The following LIN28B variants were observed in gnomAD, a reference collection of about 807,000 sequenced individuals.
LIN28B encodes protein lin-28 homolog B.
LIN28B carries 5 observed loss-of-function variants against 21.9 expected under a neutral mutation model. The ratio of observed to expected loss-of-function variants is 0.23; its 90% CI spans 0.12 to 0.48. The LOEUF (loss-of-function observed/expected upper bound fraction) is 0.48. Ranked by LOEUF, LIN28B falls within the 20% of genes least tolerant of loss-of-function variation. LIN28B has a pLI of 0.98. For missense variants in LIN28B, 245 were observed against 310.5 expected, an observed-to-expected ratio of 0.79 and a Z score of 1.58; for synonymous variants, 109 against 111.3, an observed-to-expected ratio of 0.98 and a Z score of 0.13.
At chr6:104,938,050 C>A (rs1270347506) in intron 2 of LIN28B, among the ~76,000 whole-genome samples, 539 of 73,722 alleles carry the variant, frequency 7.3e-3, no homozygotes, top group East Asian at 0.012. Context: ...CCTGTCTCTA[C>A]AAAAAAAAAA....
At chr6:105,064,396 A>T (rs1367457811) in intron 3 of LIN28B, among the ~76,000 whole-genome samples, 1 of 152,164 alleles carries the variant, frequency 6.6e-6, no homozygotes, top group Non-Finnish European at 1.5e-5. Flanking sequence ...TCCAGGATAG[A>T]ATTTGCCCCT....
Position 105,026,330 on chromosome 6 carries a change from A to G in LIN28B, c.231A>G (p.Leu77=), listed in dbSNP as rs1771286567. 6.2e-7 allele frequency: 1 copy of G among 1,610,640 alleles called. No individual in the cohort carries two copies. The highest frequency in any genetic ancestry group is 1.1e-5 in the South Asian group (1 of 90,422). ...SKLFMEGFRS[L]KEGEPVEFTF... ...TATTCATGGAAGGATTTAGAAGCCT[A>G]AAAGAAGGAGAACCAGTGGAATTCA... Residue 77 remains leucine, a synonymous_variant, in exon 3 of 4, where the codon CTA becomes CTG. Transcript: ENST00000345080.
At chr6:104,991,476 C>G (rs1770477165) in intron 2 of LIN28B, among the ~76,000 whole-genome samples, 1 of 151,734 alleles carries the variant, frequency 6.6e-6, no homozygotes, top group Non-Finnish European at 1.5e-5. Flanking sequence ...AGAGACGCTC[C>G]TCACTTCCTA....
At chr6:105,076,381 A>C (rs1041257362) in intron 3 of LIN28B, among the ~76,000 whole-genome samples, 9 of 152,190 alleles carry the variant, frequency 5.9e-5, no homozygotes, top group Non-Finnish European at 1.2e-4. Flanking sequence ...TAGTTACCCT[A>C]ATTTTTGCCA....
intron 2 of LIN28B, among the ~76,000 whole-genome samples, chr6:105,015,774 T>C (rs1771014817): frequency 1.3e-5 from 2 of 152,166 alleles, no homozygotes; most frequent in Admixed American, 1.3e-4. Context: ...GTAGAGGCAA[T>C]ACCATGCCAG....
intron 2 of LIN28B, among the ~76,000 whole-genome samples, chr6:104,938,641 GAAAAA>G (rs11309573): frequency 6.9e-6 from 1 of 143,902 alleles, no homozygotes; most frequent in Non-Finnish European, 1.5e-5. Flanking sequence ...CCTGTCTCAA[GAAAAA>G]AAAAAAAACC....
At chr6:104,965,963 TC>T (rs1164972144) in intron 2 of LIN28B, among the ~76,000 whole-genome samples, 1 of 152,206 alleles carries the variant, frequency 6.6e-6, no homozygotes, top group African/African-American at 2.4e-5. Context: ...AGTATTCAAA[TC>T]CCAGTTTATT....
At chr6:105,062,125 G>A (rs555976149) in intron 3 of LIN28B, among the ~76,000 whole-genome samples, 16 of 151,576 alleles carry the variant, frequency 1.1e-4, no homozygotes, top group African/African-American at 3.1e-4. Flanking sequence ...TATTTTAGAC[G>A]GAATATTTTC....
intron 2 of LIN28B, among the ~76,000 whole-genome samples, chr6:105,000,771 C>A (rs1215759806): frequency 6.6e-6 from 1 of 152,096 alleles, no homozygotes; most frequent in Non-Finnish European, 1.5e-5. Flanking sequence ...AAGCAGTTGA[C>A]ATATATTCAC....
chr6:104,957,662 T>C (rs940431381), intron 1 of LIN28B, among the ~76,000 whole-genome samples: 7 of 152,174 alleles, frequency 4.6e-5, no homozygotes, highest in Admixed American at 2.6e-4. Context: ...CTGCCCCATG[T>C]GCCTTAACTA....
chr6:104,970,037 C>A (rs1329352134), intron 2 of LIN28B, among the ~76,000 whole-genome samples: 2 of 152,162 alleles, frequency 1.3e-5, no homozygotes, highest in African/African-American at 4.8e-5. Context: ...TGTGAAGTAT[C>A]TGTGTGCCAG....
chr6:105,003,709 C>T (rs543341691), intron 2 of LIN28B, among the ~76,000 whole-genome samples: 5 of 152,118 alleles, frequency 3.3e-5, no homozygotes, highest in African/African-American at 4.8e-5. Context: ...GACAGGATTT[C>T]ACTATATGTT....
chr6:105,070,712 G>A (rs374383639), intron 3 of LIN28B, among the ~76,000 whole-genome samples: 4 of 151,432 alleles, frequency 2.6e-5, no homozygotes, highest in Non-Finnish European at 4.4e-5. Context: ...TGGGAGGTCC[G>A]GGCTGCAGTG....
chr6:105,063,634 T>C (rs1378710959), intron 3 of LIN28B, among the ~76,000 whole-genome samples: 3 of 82,308 alleles, frequency 3.6e-5, no homozygotes, highest in Admixed American at 1.6e-4. Flanking sequence ...AGACTCCATC[T>C]CGGGGGGGGG....
At chr6:105,032,094 G>A (rs1771437478) in intron 3 of LIN28B, among the ~76,000 whole-genome samples, 1 of 152,164 alleles carries the variant, frequency 6.6e-6, no homozygotes, top group Admixed American at 6.5e-5. Flanking sequence ...CATCCAAGCT[G>A]TTGAGTGTAT....
intron 3 of LIN28B, among the ~76,000 whole-genome samples, chr6:105,064,055 C>T (rs544985835): frequency 6.6e-6 from 1 of 152,024 alleles, no homozygotes; most frequent in East Asian, 1.9e-4. Flanking sequence ...AGTGTTAAAG[C>T]TAGTTGGTGA....
chr6:104,950,513 A>G, intron 3 of LIN28B: 2 of 1,205,062 alleles, frequency 1.7e-6, no homozygotes, highest in Non-Finnish European at 2.1e-6. Context: ...GCCCCAGGTT[A>G]GTCTTTTTTT....
chr6:105,074,362 T>A (rs1772384882), intron 3 of LIN28B, among the ~76,000 whole-genome samples: 1 of 152,114 alleles, frequency 6.6e-6, no homozygotes, highest in South Asian at 2.1e-4. Context: ...CATGCCCGGC[T>A]AATTTTTTGT....
intron 2 of LIN28B, among the ~76,000 whole-genome samples, chr6:104,998,174 G>C (rs970512547): frequency 6.6e-6 from 1 of 152,116 alleles, no homozygotes; most frequent in African/African-American, 2.4e-5. Context: ...TTTTTAAGAA[G>C]TGTTTCATGT....
Sources: allele counts gnomAD v4.1 joint callset (sites outside exome capture counted in the v4.1 genomes callset), GRCh38; gene constraint gnomAD v4.1.1; transcripts MANE v1.5; gene names NCBI Gene and HGNC (gene_info 2026-07-23, HGNC 2026-07-21).